Variants in UVSSA observed in about 807,000 individuals in gnomAD.
The protein encoded by UVSSA is UV stimulated scaffold protein A.
In UVSSA, 72 loss-of-function variants were observed where a neutral mutation model predicts 73.9. That is an observed-to-expected ratio of 0.97 (90% CI 0.81 to 1.19). The LOEUF (loss-of-function observed/expected upper bound fraction) is 1.19, where lower values mean the gene tolerates loss of function less well. Among genes scored for constraint, UVSSA ranks in the 50% most tolerant of loss-of-function variants. The pLI is 0.00. For missense variants in UVSSA, 1,150 were observed against 965.0 expected (o/e 1.19, Z -2.54); for synonymous variants, 454 against 391.3 (o/e 1.16, Z -1.89).
chr4:1,383,661 C>T, intron 12 of UVSSA, 105 bp from the exon 13 acceptor site: 3 of 1,439,836 alleles, frequency 2.1e-6, no homozygotes, highest in Non-Finnish European at 2.9e-6. Flanking sequence ...CAAGGCGACC[C>T]AGCCCCCCTG....
At chr4:1,346,606 C>T (rs944267044), upstream of UVSSA, among the ~76,000 whole-genome samples, 2 of 152,250 alleles carry the variant, frequency 1.3e-5, no homozygotes, top group Non-Finnish European at 2.9e-5. Flanking sequence ...CCCAGGGATT[C>T]CCTTCCCGAG....
intron 10 of UVSSA, among the ~76,000 whole-genome samples, chr4:1,378,053 C>T (rs1017730137): frequency 2.0e-5 from 3 of 152,254 alleles, no homozygotes; most frequent in Non-Finnish European, 4.4e-5. Context: ...CCCACATTCC[C>T]TCACCAAGTG....
chr4:1,375,439 C>T lies in UVSSA; in HGVS notation c.1364C>T (p.Ser455Leu), dbSNP rs202127588. ...AGGACGAGGATGGACGAGGAGGTGT[C>T]GGACCCCACCTCTGCGGCTGCTCAG... ...RTRTRMDEEV[S>L]DPTSAAAQLR... is the part of the protein sequence containing the mutation. Residue 455 changes from serine to leucine, a missense_variant, in exon 9 of 14, where the codon TCG becomes TTG. Physicochemically the swap from Ser to Leu is moderately radical, Grantham distance 145 (BLOSUM62 -2). Transcript: ENST00000389851. 145 of 1,613,310 alleles carry T rather than the reference C, an allele frequency of 9.0e-5. No individual in the cohort carries two copies. Among genetic ancestry groups the T allele is most frequent in the Non-Finnish European group, 1.1e-4 (130 of 1,179,992 alleles).
rs1719261061 is a variant in UVSSA, at chr4:1,379,912, TCC to T, written c.1569-133_1569-132del. The T allele has an allele frequency of 1.0e-5, 10 of 953,790 alleles. No homozygotes were observed. The South Asian group carries it at 1.2e-4, about 12-fold the overall frequency. The allele number at this position is 953,790 out of a possible 1,614,324, so 59.1% of individuals were successfully genotyped here. A position where few individuals can be genotyped will look rare whatever the true frequency, so the allele number is the denominator to read the frequency against. ...GACCCAGCCGGGAGTGACCGTGTTC[TCC>T]CTGGGTGCTGTCCACAGTGTTGGGG... On this transcript the variant is annotated intron_variant, in intron 10 of 13. Coordinates refer to ENST00000389851, the MANE Select transcript of UVSSA (RefSeq NM_020894.4).
At chr4:1,345,346 C>T (rs771064973), upstream of UVSSA, among the ~76,000 whole-genome samples, 22 of 152,164 alleles carry the variant, frequency 1.4e-4, no homozygotes, top group Non-Finnish European at 2.4e-4. Context: ...GGATGCAGGG[C>T]AGGCCCAGGC....
intron 8 of UVSSA, among the ~76,000 whole-genome samples, chr4:1,369,355 G>T (rs1213759955): frequency 6.6e-6 from 1 of 152,226 alleles, no homozygotes; most frequent in Admixed American, 6.5e-5. Flanking sequence ...CACACCCCGG[G>T]GGCCCCAGGA....
At chr4:1,385,805 C>T in intron 13 of UVSSA, 63 bp from the exon 14 acceptor site, 2 of 1,572,866 alleles carry the variant, frequency 1.3e-6, no homozygotes, top group East Asian at 4.5e-5. Flanking sequence ...GTGATGCCGC[C>T]ACTGGGAGCC....
Position 1,349,858 on chromosome 4 carries a change from G to A in UVSSA, c.429+4G>A. 1 of 1,531,130 alleles carries A rather than the reference G, an allele frequency of 6.5e-7. No individual in the cohort carries two copies. Among genetic ancestry groups the A allele is most frequent in the Admixed American group, 2.2e-5 (1 of 45,940 alleles). 94.8% of individuals were successfully genotyped at this position (1,531,130 alleles called of 1,614,324 possible). A position where few individuals can be genotyped will look rare whatever the true frequency, so the allele number is the denominator to read the frequency against. On this transcript the variant is annotated splice_donor_region_variant and intron_variant, in intron 3 of 13. Coordinates refer to ENST00000389851, the MANE Select transcript of UVSSA (RefSeq NM_020894.4). ...CTTCTTAAGACACAACAAAAAGGTA[G>A]GTGGGCCTGGCCCATTTTTTCAGAG...
chr4:1,366,214 G>GGC, intron 7 of UVSSA, 106 bp from the exon 8 acceptor site: 1 of 878,452 alleles, frequency 1.1e-6, no homozygotes, highest in Non-Finnish European at 1.8e-6. Flanking sequence ...CCTAAGCAGG[G>GGC]GAAAAAGCTC....
At chr4:1,383,992 G>T (rs1332794880) in intron 13 of UVSSA, 52 bp downstream of exon 13, 1 of 1,541,100 alleles carries the variant, frequency 6.5e-7, no homozygotes, top group African/African-American at 1.4e-5. Flanking sequence ...CCGTGTGAGG[G>T]TGTTCGAGGG....
rs530606847 is a variant in UVSSA at position 1,375,999 on chromosome 4, C to T, written c.1434-35C>T. 5 of 1,569,740 alleles carry T rather than the reference C, an allele frequency of 3.2e-6. No homozygotes were observed. The African/African-American group carries it at 6.8e-5, about 21-fold the overall frequency. ...GGAGGGTGGCTGTGGGTGGCACCAG[C>T]AGCACCGTCAGGCTGTCCCACTCTG... On this transcript the variant is annotated intron_variant, in intron 9 of 13. Transcript: ENST00000389851.
chr4:1,355,218 C>G lies in UVSSA; in HGVS notation c.1149C>G (p.Ile383Met). The G allele has an allele frequency of 3.7e-6, 6 of 1,612,678 alleles. No individual in the cohort carries two copies. The highest frequency in any genetic ancestry group is 5.1e-6 in the Non-Finnish European group (6 of 1,179,542). ...LVLRKYKELDIEPEGGERRRT... is the reference protein window; with the variant it reads ...LVLRKYKELDMEPEGGERRRT... ...TGAGAAAATACAAGGAGCTGGACAT[C>G]GAGCCTGAGGGAGGGGAAAGGCGCA... is the stretch of plus-strand genomic sequence containing the variant. The change falls in exon 7 of 14, where the codon ATC (isoleucine) becomes ATG (methionine). Residue 383 changes from isoleucine (I) to methionine (M), a missense_variant. Ile to Met is a conservative substitution (Grantham distance 10, BLOSUM62 1). Transcript: ENST00000389851.
intron 12 of UVSSA, 64 bp downstream of exon 12, chr4:1,381,052 C>A: frequency 6.8e-7 from 1 of 1,460,576 alleles, no homozygotes; most frequent in Non-Finnish European, 9.4e-7. Flanking sequence ...ACTAGTGGCC[C>A]GGGGTGTGTC....
Position 1,383,774 on chromosome 4 carries a change from G to T in UVSSA, c.1870G>T (p.Asp624Tyr), listed in dbSNP as rs1719777398. 2 of 1,613,404 alleles carry T rather than the reference G, an allele frequency of 1.2e-6. No individual in the cohort carries two copies. The highest frequency in any genetic ancestry group is 1.7e-6 in the Non-Finnish European group (2 of 1,179,996). Residue 624 changes from aspartate (D) to tyrosine (Y), a missense_variant, in exon 13 of 14, where the codon GAC becomes TAC. Transcript: ENST00000389851. ...TTGAGTTTTGTTTGCAGAATGGCAG[G>T]ACCCTGAGTTGATGAGAGACGTGGA... The part of the protein sequence containing the change: ...LQKQERPEWQ[D>Y]PELMRDVEAA...
Position 1,348,074 on chromosome 4 carries a change from C to A in UVSSA, c.-2-16C>A. The A allele has an allele frequency of 1.3e-6, 2 of 1,590,480 alleles. No homozygotes were observed. Among genetic ancestry groups the A allele is most frequent in the African/African-American group, 1.3e-5 (1 of 74,424 alleles). ...TACAGATGGTGATATAGCATCTCTG[C>A]CTTACTTATTTCTAGATATGGATCA... On this transcript the variant is annotated splice_polypyrimidine_tract_variant and intron_variant, in intron 1 of 13. Coordinates refer to ENST00000389851, the MANE Select transcript of UVSSA (RefSeq NM_020894.4).
upstream of UVSSA, among the ~76,000 whole-genome samples, chr4:1,344,719 G>GA (rs1452292540): frequency 6.6e-6 from 1 of 152,176 alleles, no homozygotes; most frequent in Non-Finnish European, 1.5e-5. Context: ...AGAAAAAAGC[G>GA]AATCACCTAG....
intron 5 of UVSSA, among the ~76,000 whole-genome samples, chr4:1,353,732 G>A (rs1318498823): frequency 6.6e-6 from 1 of 152,196 alleles, no homozygotes; most frequent in Non-Finnish European, 1.5e-5. Flanking sequence ...CTCAAAGGAT[G>A]AGGGAGCACA....
chr4:1,364,330 A>C, intron 7 of UVSSA, among the ~76,000 whole-genome samples: 1 of 142,278 alleles, frequency 7.0e-6, no homozygotes, highest in African/African-American at 2.7e-5. Flanking sequence ...CGTGGGGGCC[A>C]CCTCCCCGCA....
chr4:1,348,698 C>G (rs1404965058), intron 2 of UVSSA, among the ~76,000 whole-genome samples: 2 of 152,164 alleles, frequency 1.3e-5, no homozygotes, highest in Non-Finnish European at 2.9e-5. Context: ...GTCGAGGACA[C>G]TGATTATTCT....
Sources: gnomAD v4.1 joint callset for allele counts (sites outside exome capture counted in the v4.1 genomes callset) on GRCh38, gnomAD v4.1.1 for gene constraint, MANE v1.5 for transcripts, NCBI Gene and HGNC (gene_info 2026-07-23, HGNC 2026-07-21) for gene names.